Variants in BAZ1A observed in about 807,000 individuals in gnomAD.
The protein encoded by BAZ1A is bromodomain adjacent to zinc finger domain protein 1A.
Under a neutral mutation model 185.2 loss-of-function variants are expected in BAZ1A, and 50 were observed. The observed-to-expected ratio is 0.27, with a 90% CI of 0.22 to 0.34. BAZ1A has a LOEUF of 0.34. Among genes scored for constraint, BAZ1A ranks in the 10% least tolerant of loss-of-function variants. The pLI is 1.00. For missense variants in BAZ1A, 1,356 were observed against 1,839.9 expected (o/e 0.74, Z 4.81); for synonymous variants, 571 against 615.6 (o/e 0.93, Z 1.07).
At chr14:34,824,808 A>G (rs2042142163) in intron 4 of BAZ1A, among the ~76,000 whole-genome samples, 1 of 152,214 alleles carries the variant, frequency 6.6e-6, no homozygotes, top group African/African-American at 2.4e-5. Context: ...TTTAAACATT[A>G]TGGTACTGTT....
At chr14:34,848,920 A>C (rs755997638) in intron 3 of BAZ1A, among the ~76,000 whole-genome samples, 6 of 152,212 alleles carry the variant, frequency 3.9e-5, no homozygotes, top group African/African-American at 7.2e-5. Context: ...CTAGCAAAAG[A>C]AGCTTTATCC....
chr14:34,829,415 T>TA (rs890875732), intron 3 of BAZ1A, among the ~76,000 whole-genome samples: 3 of 150,022 alleles, frequency 2.0e-5, no homozygotes, highest in Admixed American at 1.3e-4. Context: ...TAAATAAAAA[T>TA]AAAAAAAAAG....
rs201191403 is a variant in BAZ1A, at chr14:34,795,627, T to C, written c.1224+43A>G. Reference sequence around the variant, plus strand: ...TTCATCAGCAAAGCCACATAGGACATGTAAAACCTATGTGTGCTAAACATC... The same window carrying C: ...TTCATCAGCAAAGCCACATAGGACACGTAAAACCTATGTGTGCTAAACATC... On this transcript the variant is annotated intron_variant, in intron 10 of 26. Coordinates refer to ENST00000360310, the MANE Select transcript of BAZ1A (RefSeq NM_013448.3). 24 of 1,380,676 alleles carry C rather than the reference T, an allele frequency of 1.7e-5. No individual in the cohort carries two copies. In the East Asian group the frequency reaches 5.2e-4, roughly 30 times the overall value. The allele number at this position is 1,380,676 out of a possible 1,614,324, so 85.5% of individuals were successfully genotyped here.
In BAZ1A at chr14:34,868,698, C is replaced by T. The variant is rs2383680; in HGVS notation, c.113+5794G>A. Among the ~76,000 whole-genome samples the T allele has an allele frequency of 2.0e-5, 3 of 151,798 alleles. No individual in the cohort carries two copies. The East Asian group carries it at 5.8e-4, about 30-fold the overall frequency. On this transcript the variant is annotated intron_variant, in intron 2 of 26. Transcript: ENST00000360310. The stretch of plus-strand genomic sequence containing the variant: ...AGCCTGTAATCCTAGCTACTCGGGA[C>T]GCTGAGGTGGGAGAATCGCTTGAAC...
chr14:34,838,945 T>C (rs887315454), intron 3 of BAZ1A, among the ~76,000 whole-genome samples: 8 of 152,100 alleles, frequency 5.3e-5, no homozygotes, highest in African/African-American at 1.9e-4. Context: ...ATTCATTCCA[T>C]GAGACAAATA....
intron 9 of BAZ1A, among the ~76,000 whole-genome samples, chr14:34,797,864 G>A (rs960361858): frequency 2.6e-5 from 4 of 152,226 alleles, no homozygotes; most frequent in African/African-American, 4.8e-5. Context: ...GAAGCAGGGC[G>A]GGCATCGCCT....
chr14:34,788,634 C>T (rs1377601709), intron 12 of BAZ1A, among the ~76,000 whole-genome samples: 1 of 151,870 alleles, frequency 6.6e-6, no homozygotes, highest in Non-Finnish European at 1.5e-5. Flanking sequence ...TCTGGATCAG[C>T]AGCTTTCAAA....
intron 24 of BAZ1A, 58 bp from the exon 25 acceptor site, chr14:34,758,904 A>G: frequency 6.5e-7 from 1 of 1,544,342 alleles, no homozygotes; most frequent in Non-Finnish European, 8.9e-7. Flanking sequence ...GGTTCACTAC[A>G]CGCCAAACTG....
rs796421959 is a variant in BAZ1A, at chr14:34,832,215, C to CATATATATATATATATATATAT, written c.393-6060_393-6059insATATATATATATATATATATAT. Among the ~76,000 whole-genome samples, 315 of 89,358 alleles carry CATATATATATATATATATATAT rather than the reference C, an allele frequency of 3.5e-3. 6 individuals are homozygous for CATATATATATATATATATATAT. The highest frequency in any genetic ancestry group is 5.8e-3 in the Middle Eastern group (1 of 172). The allele number at this position is 89,358 out of a possible 152,430, so 58.6% of individuals were successfully genotyped here. ...ATACACACACACACACACACACACACATATATATATATATATGTATGTATG... is the reference window on the plus strand; with the variant it reads ...ATACACACACACACACACACACACACATATATATATATATATATATATATATATATATATATATGTATGTATG... On this transcript the variant is annotated intron_variant, in intron 3 of 26. Transcript: ENST00000360310.
At chr14:34,779,910 T>C (rs1284316075) in intron 17 of BAZ1A, among the ~76,000 whole-genome samples, 2 of 152,226 alleles carry the variant, frequency 1.3e-5, no homozygotes, top group Non-Finnish European at 2.9e-5. Context: ...GTTGAAATTA[T>C]GAGAAACTGT....
At chr14:34,867,715 C>T (rs2042883091) in intron 2 of BAZ1A, among the ~76,000 whole-genome samples, 1 of 152,188 alleles carries the variant, frequency 6.6e-6, no homozygotes, top group South Asian at 2.1e-4. Flanking sequence ...GACATGCTAC[C>T]ACAGTGGCCA....
rs2041921747 is a variant in BAZ1A at position 34,810,996 on chromosome 14, T to C, written c.577A>G (p.Lys193Glu). The change falls in exon 5 of 27, where the codon AAA becomes GAA. Residue 193 changes from lysine to glutamate, a missense_variant. Transcript: ENST00000360310. ...AATTCTTTTTTAGTGGGTTGCACTT[T>C]ATACTTGAATAGTAAGGGATCAATT... ...DAIDPLLFKY[K>E]VQPTKKELHE... The C allele has an allele frequency of 6.2e-7, 1 of 1,609,450 alleles. No individual in the cohort carries two copies. The highest frequency in any genetic ancestry group is 8.5e-7 in the Non-Finnish European group (1 of 1,177,116).
At chr14:34,764,606 A>T in intron 23 of BAZ1A, 101 bp downstream of exon 23, 1 of 1,463,166 alleles carries the variant, frequency 6.8e-7, no homozygotes, top group Non-Finnish European at 9.1e-7. Flanking sequence ...TATTAGTTTT[A>T]AACTAAGTTA....
chr14:34,783,737 CACA>C (rs767181328), intron 15 of BAZ1A, 22 bp downstream of exon 15: 1 of 1,594,922 alleles, frequency 6.3e-7, no homozygotes, highest in South Asian at 1.1e-5. Flanking sequence ...CTTTCATTAA[CACA>C]ACTATTACAA....
intron 3 of BAZ1A, among the ~76,000 whole-genome samples, chr14:34,860,841 T>A (rs1021262023): frequency 2.0e-5 from 3 of 151,786 alleles, no homozygotes; most frequent in Admixed American, 6.6e-5. Context: ...GAGGTTACAG[T>A]GAACCGAGAT....
chr14:34,789,709 T>C lies in BAZ1A; in HGVS notation c.1510+3066A>G, dbSNP rs373010786. 3.9e-4 allele frequency among the ~76,000 whole-genome samples: 59 copies of C among 152,272 alleles called. 1 individual carries two copies. Among genetic ancestry groups the C allele is most frequent in the African/African-American group, 1.3e-3 (56 of 41,554 alleles). On this transcript the variant is annotated intron_variant, in intron 12 of 26. Coordinates refer to ENST00000360310, the MANE Select transcript of BAZ1A (RefSeq NM_013448.3). The stretch of plus-strand genomic sequence containing the variant: ...TGTATTAAATGTAAGATTTTTTAAA[T>C]TGGTGGTCAAAATCTCTCAGGTTTG...
At chr14:34,754,426 A>AAAAGAAAAG (rs1886151230) in intron 26 of BAZ1A, among the ~76,000 whole-genome samples, 3 of 122,838 alleles carry the variant, frequency 2.4e-5, no homozygotes, top group Non-Finnish European at 3.5e-5. Context: ...TCAAAAAAAA[A>AAAAGAAAAG]AAAAAAGAAA....
intron 21 of BAZ1A, among the ~76,000 whole-genome samples, chr14:34,766,847 A>T (rs772887727): frequency 6.6e-6 from 1 of 152,256 alleles, no homozygotes; most frequent in Non-Finnish European, 1.5e-5. Context: ...GAAACAAAAC[A>T]TTAAGTGAAA....
chr14:34,759,837 G>A (rs1359917095), intron 24 of BAZ1A, among the ~76,000 whole-genome samples: 2 of 151,976 alleles, frequency 1.3e-5, no homozygotes, highest in East Asian at 3.9e-4. Context: ...ACCACACCCA[G>A]CTAATTTTTG....
Sources: allele counts gnomAD v4.1 joint callset (sites outside exome capture counted in the v4.1 genomes callset), GRCh38; gene constraint gnomAD v4.1.1; transcripts MANE v1.5; gene names NCBI Gene and HGNC (gene_info 2026-07-23, HGNC 2026-07-21).